Variants in BRWD3 observed in about 807,000 individuals in gnomAD.
BRWD3 encodes bromodomain and WD repeat-containing protein 3.
BRWD3 carries 10 observed loss-of-function variants against 149.7 expected under a neutral mutation model. The observed-to-expected ratio is 0.07, with a 90% CI of 0.04 to 0.11. The LOEUF (loss-of-function observed/expected upper bound fraction) is 0.11, where lower values mean the gene tolerates loss of function less well. BRWD3 is among the 10% of genes least tolerant of loss of function. BRWD3 has a pLI of 1.00. For synonymous variants in BRWD3, 504 were observed against 456.7 expected, an observed-to-expected ratio of 1.10 and a Z score of -1.32; for missense variants, 940 against 1,373.2, an observed-to-expected ratio of 0.68 and a Z score of 4.99.
intron 25 of BRWD3, among the ~76,000 whole-genome samples, chrX:80,698,768 ATTC>A (rs1485233270): frequency 9.1e-6 from 1 of 110,269 alleles, no homozygotes; most frequent in Non-Finnish European, 1.9e-5. Context: ...TCTAAAAAAG[ATTC>A]AACTTTTACT....
At chrX:80,783,574 T>C (rs897964045) in intron 6 of BRWD3, among the ~76,000 whole-genome samples, 1 of 110,406 alleles carries the variant, frequency 9.1e-6, no homozygotes, top group South Asian at 3.9e-4. Flanking sequence ...CTGCTAGGTA[T>C]ATACCCAAAA....
At position 80,808,949 on chromosome X, in the gene BRWD3, C is replaced by G. The variant is rs2074380346; in HGVS notation, c.120+64G>C. 3 of 1,132,078 alleles carry G rather than the reference C, an allele frequency of 2.6e-6. No individual in the cohort carries two copies. In the South Asian group the frequency reaches 5.8e-5, roughly 22 times the overall value. The allele number at this position is 1,132,078 out of a possible 1,213,427, so 93.3% of individuals were successfully genotyped here. ...ATCCCAGCCCGTCTTCCGCCCCTGACTTGCCCTCCCCTTCCTCCAGTCTCA... is the reference window on the plus strand; with the variant it reads ...ATCCCAGCCCGTCTTCCGCCCCTGAGTTGCCCTCCCCTTCCTCCAGTCTCA... On this transcript the variant is annotated intron_variant, in intron 3 of 40. Transcript: ENST00000373275.
intron 18 of BRWD3, 100 bp from the exon 19 acceptor site, chrX:80,717,859 G>T: frequency 1.4e-6 from 1 of 731,663 alleles, no homozygotes; most frequent in Non-Finnish European, 2.1e-6. Context: ...ATATAGTACT[G>T]CTGTAAGAAT....
intron 14 of BRWD3, among the ~76,000 whole-genome samples, chrX:80,727,310 T>C (rs1034809623): frequency 9.0e-6 from 1 of 111,376 alleles, no homozygotes; most frequent in Non-Finnish European, 1.9e-5. Flanking sequence ...AAAACTCTCA[T>C]GTCATTCCTT....
intron 4 of BRWD3, among the ~76,000 whole-genome samples, chrX:80,800,352 C>CA (rs763032254): frequency 9.9e-6 from 1 of 101,262 alleles, no homozygotes; most frequent in East Asian, 3.1e-4. Flanking sequence ...CCAGCCTGGG[C>CA]AAAAAAAAGT....
intron 36 of BRWD3, among the ~76,000 whole-genome samples, chrX:80,685,177 C>T (rs927124177): frequency 9.0e-6 from 1 of 111,348 alleles, no homozygotes; most frequent in Non-Finnish European, 1.9e-5. Flanking sequence ...AGCTGCAATA[C>T]AGACACAATT....
chrX:80,790,783 G>A (rs1462496685), intron 6 of BRWD3, among the ~76,000 whole-genome samples: 1 of 111,440 alleles, frequency 9.0e-6, no homozygotes, highest in East Asian at 2.8e-4. Context: ...ACTGTATTTT[G>A]AAAATAAGTA....
intron 20 of BRWD3, among the ~76,000 whole-genome samples, chrX:80,714,219 C>CTTTTTT (rs987098536): frequency 7.4e-4 from 46 of 61,793 alleles, no homozygotes; most frequent in Non-Finnish European, 8.3e-4. Flanking sequence ...AAACCTTCAT[C>CTTTTTT]TTTTTTTTTT....
chrX:80,756,789 T>G (rs2073746092), intron 6 of BRWD3, among the ~76,000 whole-genome samples: 1 of 111,615 alleles, frequency 9.0e-6, no homozygotes, highest in African/African-American at 3.3e-5. Flanking sequence ...CTCCAAACCA[T>G]TTTTCCTTTT....
chrX:80,796,732 T>G (rs1414824479), intron 4 of BRWD3, among the ~76,000 whole-genome samples: 5 of 112,279 alleles, frequency 4.5e-5, no homozygotes, highest in African/African-American at 1.3e-4. Flanking sequence ...ATCTCCAGGG[T>G]TTAGCATCAG....
rs1302507238 is a variant in BRWD3 at position 80,704,743 on chromosome X, A to G, written c.2656T>C (p.Ser886Pro). 1.1e-5 allele frequency: 13 copies of G among 1,209,684 alleles called. No homozygotes were observed. The highest frequency in any genetic ancestry group is 4.6e-4 in the Middle Eastern group (2 of 4,351). ...RQTTRKICSS[S>P]DEENLKSLEE... The stretch of plus-strand genomic sequence containing the variant: ...AGGGACTTCAAATTTTCCTCATCAG[A>G]GCTGCTGCATATTTTACGTGTTGTC... Residue 886 changes from serine (S) to proline (P), a missense_variant, in exon 23 of 41, where the codon TCT becomes CCT. Ser to Pro is a moderately conservative substitution (Grantham distance 74). Transcript: ENST00000373275.
chrX:80,745,454 C>A, intron 7 of BRWD3, 115 bp downstream of exon 7: 1 of 620,032 alleles, frequency 1.6e-6, no homozygotes. Flanking sequence ...TCTTTTTCTG[C>A]ACCCATATAT....
intron 6 of BRWD3, among the ~76,000 whole-genome samples, chrX:80,779,299 G>C (rs2074033279): frequency 9.0e-6 from 1 of 110,878 alleles, no homozygotes; most frequent in African/African-American, 3.3e-5. Context: ...TGGGCAACAA[G>C]GGAGAAATTC....
At position 80,758,429 on chromosome X, in the gene BRWD3, T is replaced by A. The variant is rs2073768043; in HGVS notation, c.431-12700A>T. ...CAAGTTTGGGAGCCATCAATTCTAG[T>A]CCAAACTACCTCCTCACAAAATTAT... On this transcript the variant is annotated intron_variant, in intron 6 of 40. Transcript: ENST00000373275. 4.5e-5 allele frequency among the ~76,000 whole-genome samples: 5 copies of A among 111,467 alleles called. No individual in the cohort carries two copies. The South Asian group carries it at 1.9e-3, about 42-fold the overall frequency.
At chrX:80,801,653 C>T (rs2074299083) in intron 4 of BRWD3, among the ~76,000 whole-genome samples, 1 of 108,835 alleles carries the variant, frequency 9.2e-6, no homozygotes, top group African/African-American at 3.3e-5. Flanking sequence ...CCAGCCTGAC[C>T]AACATGGTGA....
At chrX:80,775,199 C>T (rs2073987570) in intron 6 of BRWD3, among the ~76,000 whole-genome samples, 1 of 111,474 alleles carries the variant, frequency 9.0e-6, no homozygotes, top group Admixed American at 9.6e-5. Context: ...CCAAATGTTC[C>T]AGAAAGCCAA....
chrX:80,709,543 C>T lies in BRWD3; in HGVS notation c.2360G>A (p.Arg787His), dbSNP rs1337009699. 5.8e-6 allele frequency: 7 copies of T among 1,209,707 alleles called. No individual in the cohort carries two copies. The highest frequency in any genetic ancestry group is 2.2e-5 in the Admixed American group (1 of 45,866). ...DYEPSCGRSL[R>H]RTQRKRQHTY... Reference sequence around the variant, plus strand: ...ATGCTGACGTTTGCGCTGTGTCCTGCGTAAAGAACGCCCACAGCTAGGCTC... The same window carrying T: ...ATGCTGACGTTTGCGCTGTGTCCTGTGTAAAGAACGCCCACAGCTAGGCTC... Residue 787 changes from arginine to histidine, a missense_variant, in exon 21 of 41, where the codon CGC becomes CAC. Arg to His is a conservative substitution (Grantham distance 29). Transcript: ENST00000373275.
At chrX:80,691,293 G>A in intron 30 of BRWD3, 120 bp from the exon 31 acceptor site, 2 of 755,031 alleles carry the variant, frequency 2.6e-6, no homozygotes, top group South Asian at 5.4e-5. Flanking sequence ...CTAAAACCAT[G>A]AGGATTCCAT....
At chrX:80,739,345 A>G (rs2073451095) in intron 8 of BRWD3, among the ~76,000 whole-genome samples, 1 of 111,789 alleles carries the variant, frequency 8.9e-6, no homozygotes, top group Non-Finnish European at 1.9e-5. Flanking sequence ...ATAGTTCAAT[A>G]ATGAATATAA....
Sources: allele counts gnomAD v4.1 joint callset (sites outside exome capture counted in the v4.1 genomes callset), GRCh38; gene constraint gnomAD v4.1.1; transcripts MANE v1.5; gene names NCBI Gene and HGNC (gene_info 2026-07-23, HGNC 2026-07-21).